The following CTNND2 variants were observed in gnomAD, a reference collection of about 807,000 sequenced individuals.
The protein encoded by CTNND2 is catenin delta 2.
Under a neutral mutation model 144.4 loss-of-function variants are expected in CTNND2, and 22 were observed. That is an observed-to-expected ratio of 0.15 (90% CI 0.11 to 0.22). CTNND2 has a LOEUF of 0.22. CTNND2 is among the 10% of genes least tolerant of loss of function. The pLI is 1.00. For missense variants in CTNND2, 1,353 were observed against 1,618.8 expected, an observed-to-expected ratio of 0.84 and a Z score of 2.82; for synonymous variants, 751 against 695.6, an observed-to-expected ratio of 1.08 and a Z score of -1.25.
At chr5:11,695,802 T>C (rs1240547865) in intron 2 of CTNND2, among the ~76,000 whole-genome samples, 1 of 152,162 alleles carries the variant, frequency 6.6e-6, no homozygotes, top group Non-Finnish European at 1.5e-5. Context: ...TATCACACTA[T>C]AAACAGATGT....
intron 9 of CTNND2, among the ~76,000 whole-genome samples, chr5:11,244,651 G>A (rs1742812554): frequency 6.6e-6 from 1 of 152,150 alleles, no homozygotes; most frequent in East Asian, 1.9e-4. Context: ...AATAGCACTA[G>A]AATTATGACT....
intron 3 of CTNND2, among the ~76,000 whole-genome samples, chr5:11,537,054 G>C (rs181896081): frequency 6.4e-5 from 7 of 108,550 alleles, no homozygotes; most frequent in African/African-American, 1.2e-4. Context: ...GGCAGCAGGT[G>C]GGGGGAAGGA....
chr5:11,241,132 A>T (rs1182205320), intron 9 of CTNND2, among the ~76,000 whole-genome samples: 1 of 151,116 alleles, frequency 6.6e-6, no homozygotes, highest in Non-Finnish European at 1.5e-5. Context: ...CAACACGCTC[A>T]AACACACCCA....
At chr5:11,571,090 A>G (rs971422923) in intron 2 of CTNND2, among the ~76,000 whole-genome samples, 2 of 152,062 alleles carry the variant, frequency 1.3e-5, no homozygotes, top group African/African-American at 4.8e-5. Flanking sequence ...TGCATCTGGT[A>G]TTTATTCTAT....
chr5:11,666,317 A>G (rs1185201781), intron 2 of CTNND2, among the ~76,000 whole-genome samples: 1 of 152,236 alleles, frequency 6.6e-6, no homozygotes, highest in Non-Finnish European at 1.5e-5. Flanking sequence ...CCAAGTCAGC[A>G]GACTTATATC....
In CTNND2 at chr5:11,439,740, A is replaced by ATATCTATCTATC. The variant is rs57368706; in HGVS notation, c.288-27683_288-27672dup. Among the ~76,000 whole-genome samples, 80 of 146,194 alleles carry ATATCTATCTATC rather than the reference A, an allele frequency of 5.5e-4. 1 individual carries two copies. The highest frequency in any genetic ancestry group is 6.8e-4 in the South Asian group (3 of 4,408). ...GAGCTAGCTGCCCTCTCTGCTAGCT[A>ATATCTATCTATC]TATCTATCTATCTATCTATCTATCT... On this transcript the variant is annotated intron_variant, in intron 3 of 21. Coordinates refer to ENST00000304623, the MANE Select transcript of CTNND2 (RefSeq NM_001332.4).
At chr5:11,617,483 T>G (rs1780634604) in intron 2 of CTNND2, among the ~76,000 whole-genome samples, 1 of 152,254 alleles carries the variant, frequency 6.6e-6, no homozygotes. Flanking sequence ...ATTAACTATG[T>G]ATACTATAAC....
At chr5:11,415,389 A>AG (rs756911769) in intron 3 of CTNND2, among the ~76,000 whole-genome samples, 1 of 152,122 alleles carries the variant, frequency 6.6e-6, no homozygotes, top group Non-Finnish European at 1.5e-5. Flanking sequence ...GGATGGTTTG[A>AG]GGCCAGGAAT....
At chr5:11,406,913 AT>A (rs1206198826) in intron 5 of CTNND2, among the ~76,000 whole-genome samples, 5 of 152,186 alleles carry the variant, frequency 3.3e-5, no homozygotes, top group African/African-American at 1.2e-4. Flanking sequence ...ATATGACAGA[AT>A]TTCAATTCAT....
At chr5:10,997,958 C>G in intron 18 of CTNND2, among the ~76,000 whole-genome samples, 1 of 152,176 alleles carries the variant, frequency 6.6e-6, no homozygotes. Context: ...GCATTGCTCT[C>G]TTATGCAGGT....
chr5:10,991,486 A>C (rs186234205), intron 19 of CTNND2, among the ~76,000 whole-genome samples: 1 of 152,362 alleles, frequency 6.6e-6, no homozygotes, highest in African/African-American at 2.4e-5. Flanking sequence ...AAATCAAAAT[A>C]AAAGTTTTAA....
chr5:10,976,858 CAG>C (rs1736552687), intron 21 of CTNND2, among the ~76,000 whole-genome samples: 2 of 152,196 alleles, frequency 1.3e-5, no homozygotes, highest in Admixed American at 6.5e-5. Context: ...TAGAAAGACT[CAG>C]AGTGTTCACA....
intron 9 of CTNND2, among the ~76,000 whole-genome samples, chr5:11,291,959 A>T (rs568104707): frequency 2.6e-5 from 4 of 152,152 alleles, no homozygotes; most frequent in African/African-American, 9.6e-5. Flanking sequence ...TAAAAAAAAA[A>T]ATTCCACATC....
In CTNND2 at chr5:11,346,502, C is replaced by A. The variant is rs773500605; in HGVS notation, c.1498G>T (p.Ala500Ser). ...TACTGCAGCTGTCGGTAGGGGTCCG[C>A]GTAATTGGAGGCTGGGCCGGCGGCA... ...SYAAGPASNY[A>S]DPYRQLQYCP... Residue 500 changes from alanine (A) to serine (S), a missense_variant, in exon 9 of 22, where the codon GCG becomes TCG. Coordinates refer to ENST00000304623, the MANE Select transcript of CTNND2 (RefSeq NM_001332.4). 1 of 1,606,172 alleles carries A rather than the reference C, an allele frequency of 6.2e-7. No homozygotes were observed. The highest frequency in any genetic ancestry group is 8.5e-7 in the Non-Finnish European group (1 of 1,176,626).
intron 2 of CTNND2, among the ~76,000 whole-genome samples, chr5:11,612,078 A>G (rs1439227154): frequency 2.6e-5 from 4 of 151,930 alleles, no homozygotes; most frequent in Non-Finnish European, 1.5e-5. Context: ...TACGTAATGG[A>G]AAGTCACAAA....
intron 1 of CTNND2, among the ~76,000 whole-genome samples, chr5:11,811,000 C>T (rs1250415539): frequency 6.6e-6 from 1 of 152,112 alleles, no homozygotes; most frequent in African/African-American, 2.4e-5. Context: ...ACTTATTCCA[C>T]ATTAAGCCAT....
intron 16 of CTNND2, among the ~76,000 whole-genome samples, chr5:11,075,869 G>A (rs769982489): frequency 5.8e-4 from 89 of 152,190 alleles, no homozygotes; most frequent in Non-Finnish European, 1.3e-4. Flanking sequence ...TCTGGACACC[G>A]TAGAAAGAGA....
At chr5:11,534,953 G>A (rs898035547) in intron 3 of CTNND2, among the ~76,000 whole-genome samples, 2 of 151,930 alleles carry the variant, frequency 1.3e-5, no homozygotes, top group African/African-American at 4.8e-5. Flanking sequence ...TTGGGAGGCT[G>A]AGGCAGGTGG....
intron 3 of CTNND2, among the ~76,000 whole-genome samples, chr5:11,554,569 C>T (rs1189969399): frequency 2.0e-5 from 3 of 152,028 alleles, no homozygotes; most frequent in African/African-American, 4.8e-5. Context: ...AAAGGGTTAA[C>T]GAGGATGACA....
Sources: gnomAD v4.1 joint callset for allele counts (sites outside exome capture counted in the v4.1 genomes callset) on GRCh38, gnomAD v4.1.1 for gene constraint, MANE v1.5 for transcripts, NCBI Gene and HGNC (gene_info 2026-07-23, HGNC 2026-07-21) for gene names.